The following LNX1 variants were observed in gnomAD, a reference collection of about 807,000 sequenced individuals.
The protein encoded by LNX1 is E3 ubiquitin-protein ligase LNX.
Under a neutral mutation model 68.4 loss-of-function variants are expected in LNX1, and 54 were observed. That is an observed-to-expected ratio of 0.79 (90% CI 0.63 to 0.99). The LOEUF (loss-of-function observed/expected upper bound fraction) is 0.99, where lower values mean the gene tolerates loss of function less well. Ranked by LOEUF, LNX1 falls within the 50% of genes least tolerant of loss-of-function variation. The pLI is 0.00. For synonymous variants in LNX1, 336 were observed against 350.0 expected, an observed-to-expected ratio of 0.96 and a Z score of 0.45; for missense variants, 906 against 926.4, an observed-to-expected ratio of 0.98 and a Z score of 0.29.
At chr4:53,548,304 T>C (rs927142040) in intron 2 of LNX1, among the ~76,000 whole-genome samples, 10 of 152,194 alleles carry the variant, frequency 6.6e-5, no homozygotes, top group Non-Finnish European at 1.3e-4. Flanking sequence ...GTTTTACCAA[T>C]GAGCCCTGAA....
rs35852395 is a variant in LNX1, at chr4:53,460,624, A to AAATC, written c.*279_*282dup. 29,799 of 322,630 alleles carry AAATC rather than the reference A, an allele frequency of 0.092. 3,054 individuals are homozygous for AAATC. The highest frequency in any genetic ancestry group is 0.28 in the African/African-American group (12,990 of 46,068). The allele number at this position is 322,630 out of a possible 1,614,324, so 20.0% of individuals were successfully genotyped here. A position where few individuals can be genotyped will look rare whatever the true frequency, so the allele number is the denominator to read the frequency against. The stretch of plus-strand genomic sequence containing the variant: ...TCAGCTTGAATTCAGTGGGGTATAC[A>AAATC]AATCATTTTAGTTGTTTTAGGGCTT... On this transcript the variant is annotated 3_prime_UTR_variant, in exon 11 of 11. Transcript: ENST00000263925.
At chr4:53,610,940 AG>A (rs1186824163) in intron 2 of LNX1, among the ~76,000 whole-genome samples, 3 of 151,986 alleles carry the variant, frequency 2.0e-5, no homozygotes, top group African/African-American at 7.2e-5. Flanking sequence ...AAATTATAAA[AG>A]ATCAGAAAGC....
rs1300392292 is a variant in LNX1, at chr4:53,646,938, G to T, written c.-215+5230C>A. Among the ~76,000 whole-genome samples, 4 of 152,196 alleles carry T rather than the reference G, an allele frequency of 2.6e-5. No homozygotes were observed. The East Asian group carries it at 5.8e-4, about 22-fold the overall frequency. On this transcript the variant is annotated intron_variant, in intron 1 of 2. Transcript: ENST00000507168. ...TTTGCCCGGGAGTTGAAATGAACCTGTGTGTTTAGAAGTGGAGGAAGCTGT... is the reference window on the plus strand; with the variant it reads ...TTTGCCCGGGAGTTGAAATGAACCTTTGTGTTTAGAAGTGGAGGAAGCTGT...
intron 2 of LNX1, among the ~76,000 whole-genome samples, chr4:53,598,620 A>T (rs1049546662): frequency 2.0e-5 from 3 of 152,210 alleles, no homozygotes; most frequent in Non-Finnish European, 4.4e-5. Context: ...TTAGCCTGGT[A>T]TCTGGAAGAA....
chr4:53,589,711 A>G (rs933315397), intron 1 of LNX1, among the ~76,000 whole-genome samples: 1 of 152,222 alleles, frequency 6.6e-6, no homozygotes, highest in Non-Finnish European at 1.5e-5. Flanking sequence ...CATCAGGCCT[A>G]TGTCCACTTG....
At chr4:53,631,542 C>T (rs1356835515) in intron 1 of LNX1, among the ~76,000 whole-genome samples, 1 of 152,096 alleles carries the variant, frequency 6.6e-6, no homozygotes, top group Non-Finnish European at 1.5e-5. Context: ...ACTTGATATG[C>T]CTCCCCATGG....
chr4:53,524,985 G>A (rs180815510), intron 2 of LNX1, among the ~76,000 whole-genome samples: 24 of 152,256 alleles, frequency 1.6e-4, no homozygotes, highest in South Asian at 1.0e-3. Context: ...GTCTTAGAGC[G>A]TAAAGATGGG....
intron 2 of LNX1, among the ~76,000 whole-genome samples, chr4:53,545,851 A>G (rs923849290): frequency 5.2e-5 from 7 of 133,602 alleles, no homozygotes; most frequent in East Asian, 2.2e-4. Context: ...TCTGTCGCCC[A>G]GGCTGGAGTA....
At position 53,498,071 on chromosome 4, in the gene LNX1, A is replaced by G. The variant is rs1415727566; in HGVS notation, c.978+570T>C. Reference sequence around the variant, plus strand: ...CAAGCCTCTGAGGACAGTAACACCCAAAGCATTCTATTCCAACACCTGTCT... The same window carrying G: ...CAAGCCTCTGAGGACAGTAACACCCGAAGCATTCTATTCCAACACCTGTCT... On this transcript the variant is annotated intron_variant, in intron 5 of 10. Coordinates refer to ENST00000263925, the MANE Select transcript of LNX1 (RefSeq NM_001126328.3). Among the ~76,000 whole-genome samples, 2 of 152,166 alleles carry G rather than the reference A, an allele frequency of 1.3e-5. 1 individual carries two copies. Among genetic ancestry groups the G allele is most frequent in the Non-Finnish European group, 2.9e-5 (2 of 68,034 alleles).
rs1019932061 is a variant in LNX1 at position 53,459,737 on chromosome 4, A to G, written c.*1170T>C. On this transcript the variant is annotated 3_prime_UTR_variant, in exon 11 of 11. Coordinates refer to ENST00000263925, the MANE Select transcript of LNX1 (RefSeq NM_001126328.3). ...AAAGAGCTGTGTTAGCTGTGTACAT[A>G]CACAGATTATCTGAGAAAAGGTCAA... The G allele has an allele frequency of 4.1e-4, 158 of 382,994 alleles. 1 individual carries two copies. The highest frequency in any genetic ancestry group is 3.1e-3 in the African/African-American group (150 of 48,066). The allele number at this position is 382,994 out of a possible 1,614,324, so 23.7% of individuals were successfully genotyped here.
intron 2 of LNX1, among the ~76,000 whole-genome samples, chr4:53,556,113 A>G (rs1430710762): frequency 6.6e-6 from 1 of 152,212 alleles, no homozygotes; most frequent in Non-Finnish European, 1.5e-5. Flanking sequence ...TAAGATTACC[A>G]TGGAGTATCC....
intron 1 of LNX1, among the ~76,000 whole-genome samples, chr4:53,584,932 T>C (rs148098163): frequency 8.5e-4 from 129 of 152,274 alleles, no homozygotes; most frequent in African/African-American, 2.9e-3. Context: ...GACACACACA[T>C]CCCCAAATTA....
At chr4:53,536,306 C>T (rs567263821) in intron 2 of LNX1, among the ~76,000 whole-genome samples, 14 of 135,958 alleles carry the variant, frequency 1.0e-4, no homozygotes, top group Non-Finnish European at 1.9e-4. Flanking sequence ...CCTCGCAGTG[C>T]GAATGAACAG....
Position 53,507,458 on chromosome 4 carries a change from C to T in LNX1, c.634G>A (p.Glu212Lys). Residue 212 changes from glutamate to lysine, a missense_variant, in exon 4 of 11, where the codon GAG (glutamate) becomes AAG (lysine). By Grantham distance (56) the Glu-to-Lys change is moderately conservative. Transcript: ENST00000263925. ...GATCTGCTTCTAATAGTGGATCTCT[C>T]AAAGGGCCGTGCTGAGGAATAGCGA... ...RSNRTRARPF[E>K]RSTIRSRSFK... The T allele has an allele frequency of 4.3e-6, 7 of 1,614,030 alleles. No homozygotes were observed. The highest frequency in any genetic ancestry group is 5.9e-6 in the Non-Finnish European group (7 of 1,179,952).
upstream of LNX1, among the ~76,000 whole-genome samples, chr4:53,621,504 T>C (rs1377010772): frequency 6.6e-6 from 1 of 152,162 alleles, no homozygotes; most frequent in African/African-American, 2.4e-5. Flanking sequence ...AATGAAACAA[T>C]GGATGGATGA....
intron 1 of LNX1, among the ~76,000 whole-genome samples, chr4:53,585,377 A>T (rs1307534079): frequency 6.6e-6 from 1 of 152,124 alleles, no homozygotes; most frequent in Non-Finnish European, 1.5e-5. Context: ...GTGGACAAGA[A>T]ATCTCTCCAT....
chr4:53,487,996 A>G (rs899851803), intron 6 of LNX1, among the ~76,000 whole-genome samples: 1 of 152,212 alleles, frequency 6.6e-6, no homozygotes, highest in Admixed American at 6.5e-5. Context: ...CAGTGAATCC[A>G]TCTTGTGCTC....
intron 2 of LNX1, among the ~76,000 whole-genome samples, chr4:53,552,235 C>T (rs1729564830): frequency 6.6e-6 from 1 of 152,134 alleles, no homozygotes. Flanking sequence ...AACTGTCTTC[C>T]TAAAATGAAG....
chr4:53,484,595 C>G (rs1724164483), intron 6 of LNX1, among the ~76,000 whole-genome samples: 1 of 151,954 alleles, frequency 6.6e-6, no homozygotes. Flanking sequence ...TAGTAAAAAC[C>G]ATCCACCAAT....
Sources: allele counts gnomAD v4.1 joint callset (sites outside exome capture counted in the v4.1 genomes callset), GRCh38; gene constraint gnomAD v4.1.1; transcripts MANE v1.5; gene names NCBI Gene and HGNC (gene_info 2026-07-23, HGNC 2026-07-21).